Variants in ERICH3 observed in about 807,000 individuals in gnomAD.
The protein encoded by ERICH3 is glutamate rich 3.
In ERICH3, 126 loss-of-function variants were observed where a neutral mutation model predicts 131.1. That is an observed-to-expected ratio of 0.96 (90% confidence interval 0.83 to 1.11). ERICH3 has a LOEUF of 1.11. Among genes scored for constraint, ERICH3 ranks in the 50% most tolerant of loss-of-function variants. The probability of loss-of-function intolerance (pLI) is 0.00; values close to 1 mark genes in which losing one functional copy is unlikely to be tolerated. For synonymous variants in ERICH3, 695 were observed against 644.6 expected (o/e 1.08, Z -1.18); for missense variants, 2,050 against 1,810.7 (o/e 1.13, Z -2.40).
In ERICH3 at chr1:74,673,620, C is replaced by G; in HGVS notation, c.-101G>C. The G allele has an allele frequency of 7.2e-7, 1 of 1,380,728 alleles. No homozygotes were observed. The highest frequency in any genetic ancestry group is 1.0e-6 in the Non-Finnish European group (1 of 1,002,646). 85.5% of individuals were successfully genotyped at this position (1,380,728 alleles called of 1,614,324 possible). A position where few individuals can be genotyped will look rare whatever the true frequency, so the allele number is the denominator to read the frequency against. The stretch of plus-strand genomic sequence containing the variant: ...CGACAGTCGCGCTCGAGGGGTGGCT[C>G]CGCACCGAGGTCCCCTGTGCGCGGG... On this transcript the variant is annotated 5_prime_UTR_variant, in exon 1 of 15. Coordinates refer to ENST00000326665, the MANE Select transcript of ERICH3 (RefSeq NM_001002912.5).
chr1:74,625,748 G>A (rs1038810021), intron 7 of ERICH3: 9 of 152,120 alleles, frequency 5.9e-5, no homozygotes, highest in African/African-American at 2.2e-4. Flanking sequence ...CTCATTTAGA[G>A]GCAGGACAAG....
chr1:74,655,784 T>C (rs994681483), intron 1 of ERICH3, among the ~76,000 whole-genome samples: 13 of 152,166 alleles, frequency 8.5e-5, no homozygotes, highest in East Asian at 5.8e-4. Context: ...AGCAGAAACA[T>C]TGGACACTGA....
At chr1:74,625,296 T>C (rs1649377024) in intron 7 of ERICH3, 1 of 152,032 alleles carries the variant, frequency 6.6e-6, no homozygotes, top group Non-Finnish European at 1.5e-5. Flanking sequence ...AGTGAAGGTT[T>C]CAAGCAGTAG....
Position 74,590,044 on chromosome 1 carries a change from T to C in ERICH3, c.1763A>G (p.His588Arg). The C allele has an allele frequency of 6.2e-7, 1 of 1,612,792 alleles. No homozygotes were observed. Among genetic ancestry groups the C allele is most frequent in the Non-Finnish European group, 8.5e-7 (1 of 1,179,242 alleles). ...KTASSTSSRS[H>R]PYSSDSEDES... ...ATCCTCACTGTCACTAGAATAAGGG[T>C]GACTTCTGGATGAGGTTGATGAAGC... Residue 588 changes from histidine to arginine, a missense_variant, in exon 12 of 15, where the codon CAC becomes CGC. Transcript: ENST00000326665.
At chr1:74,630,293 C>A (rs1389649973) in intron 7 of ERICH3, among the ~76,000 whole-genome samples, 1 of 152,190 alleles carries the variant, frequency 6.6e-6, no homozygotes, top group African/African-American at 2.4e-5. Context: ...ATGGTAGATT[C>A]TATTATTGTT....
At chr1:74,603,980 ATT>A (rs1479077711) in intron 10 of ERICH3, among the ~76,000 whole-genome samples, 1 of 151,908 alleles carries the variant, frequency 6.6e-6, no homozygotes, top group Non-Finnish European at 1.5e-5. Context: ...TTTCACGAAG[ATT>A]TATCTGTAGC....
intron 11 of ERICH3, among the ~76,000 whole-genome samples, chr1:74,594,572 C>T (rs1176985226): frequency 6.6e-6 from 1 of 152,074 alleles, no homozygotes; most frequent in African/African-American, 2.4e-5. Context: ...AAACCTTGGT[C>T]CTTGCTTCTA....
chr1:74,632,564 G>GCA (rs201198183), intron 6 of ERICH3, among the ~76,000 whole-genome samples: 24 of 150,866 alleles, frequency 1.6e-4, no homozygotes, highest in Non-Finnish European at 2.4e-4. Context: ...ATACACACAT[G>GCA]CACACACACA....
intron 12 of ERICH3, among the ~76,000 whole-genome samples, chr1:74,584,733 T>C (rs1647254313): frequency 6.6e-6 from 1 of 152,194 alleles, no homozygotes; most frequent in Admixed American, 6.6e-5. Context: ...ATCTCTCTCC[T>C]AGAATATAAA....
At chr1:74,598,595 G>C (rs4123382) in intron 11 of ERICH3, among the ~76,000 whole-genome samples, 60,655 of 151,548 alleles carry the variant, frequency 0.4, 13,305 homozygotes, top group Non-Finnish European at 0.5. Context: ...ATCCAATAGA[G>C]AAATGAGTAA....
At position 74,649,269 on chromosome 1, in the gene ERICH3, A is replaced by T. The variant is rs1570907260; in HGVS notation, c.70T>A (p.Tyr24Asn). The part of the protein sequence containing the change: ...NSLMDKHLAG[Y>N]FNNTRIRRHL... ...CGCCTTATCCTTGTATTGTTAAAAT[A>T]CCCAGCCAGGTGTTTATCCATAAGG... The change falls in exon 2 of 15, where the codon TAT (tyrosine) becomes AAT (asparagine). Residue 24 changes from tyrosine (Y) to asparagine (N), a missense_variant. Tyr to Asn is a moderately radical substitution (Grantham distance 143). Transcript: ENST00000326665. 1 of 1,612,730 alleles carries T rather than the reference A, an allele frequency of 6.2e-7. No individual in the cohort carries two copies. Among genetic ancestry groups the T allele is most frequent in the Non-Finnish European group, 8.5e-7 (1 of 1,179,272 alleles).
chr1:74,663,149 C>T (rs975919013), intron 1 of ERICH3, among the ~76,000 whole-genome samples: 1 of 152,154 alleles, frequency 6.6e-6, no homozygotes, highest in Non-Finnish European at 1.5e-5. Flanking sequence ...TCTGTGCCTA[C>T]TTATGTACCA....
chr1:74,585,092 C>T (rs1245739409), intron 12 of ERICH3, among the ~76,000 whole-genome samples: 1 of 152,126 alleles, frequency 6.6e-6, no homozygotes. Context: ...ACATTAAATA[C>T]ACTACTCTTT....
intron 12 of ERICH3, among the ~76,000 whole-genome samples, chr1:74,581,523 G>A (rs930231220): frequency 6.6e-6 from 1 of 151,996 alleles, no homozygotes; most frequent in East Asian, 1.9e-4. Context: ...ATTATTTAGA[G>A]TACTGCTTTT....
intron 12 of ERICH3, among the ~76,000 whole-genome samples, chr1:74,582,560 G>C (rs532521061): frequency 1.3e-5 from 2 of 152,142 alleles, no homozygotes; most frequent in South Asian, 4.1e-4. Context: ...TCGATTTATA[G>C]CCTTCATATC....
At chr1:74,607,261 G>T (rs745755343) in intron 9 of ERICH3, among the ~76,000 whole-genome samples, 1 of 151,844 alleles carries the variant, frequency 6.6e-6, no homozygotes, top group Non-Finnish European at 1.5e-5. Context: ...ATATAGGTGG[G>T]TATATAATTT....
At chr1:74,616,896 C>T (rs1446503984) in intron 8 of ERICH3, among the ~76,000 whole-genome samples, 1 of 152,072 alleles carries the variant, frequency 6.6e-6, no homozygotes, top group Non-Finnish European at 1.5e-5. Flanking sequence ...CTTCTTGGGG[C>T]TTTTCAGGGA....
At chr1:74,583,244 C>T (rs1647210502) in intron 12 of ERICH3, among the ~76,000 whole-genome samples, 1 of 152,090 alleles carries the variant, frequency 6.6e-6, no homozygotes, top group African/African-American at 2.4e-5. Flanking sequence ...TTTGTTTTTA[C>T]AGTATAGGAG....
intron 10 of ERICH3, among the ~76,000 whole-genome samples, chr1:74,605,192 T>G (rs1211064529): frequency 6.6e-6 from 1 of 151,960 alleles, no homozygotes; most frequent in African/African-American, 2.4e-5. Context: ...TTCATACTTT[T>G]CTCCTGCACC....
Sources: allele counts gnomAD v4.1 joint callset (sites outside exome capture counted in the v4.1 genomes callset), GRCh38; gene constraint gnomAD v4.1.1; transcripts MANE v1.5; gene names NCBI Gene and HGNC (gene_info 2026-07-23, HGNC 2026-07-21).